FLT4: variants seen among roughly 807,000 people sequenced by gnomAD.
FLT4 encodes the protein vascular endothelial growth factor receptor 3.
FLT4 carries 30 observed loss-of-function variants against 163.2 expected under a neutral mutation model. That is an observed-to-expected ratio of 0.18 (90% CI 0.14 to 0.25). The LOEUF (loss-of-function observed/expected upper bound fraction) is 0.25. FLT4 is among the 10% of genes least tolerant of loss of function. The pLI is 1.00. For missense variants in FLT4, 1,510 were observed against 1,863.8 expected (o/e 0.81, Z 3.50); for synonymous variants, 884 against 789.5 (o/e 1.12, Z -2.01).
chr5:180,638,693 A>G (rs1247725595), intron 1 of FLT4, among the ~76,000 whole-genome samples: 1 of 152,032 alleles, frequency 6.6e-6, no homozygotes, highest in Admixed American at 6.6e-5. Context: ...TTGCCTCCAG[A>G]TTGTTCTGTG....
intron 24 of FLT4, chr5:180,613,645 G>A (rs1762388223): frequency 3.1e-6 from 1 of 320,062 alleles, no homozygotes; most frequent in Admixed American, 3.9e-5. Context: ...GCGTGGATCA[G>A]TTGCCACTTG....
Position 180,649,478 on chromosome 5 carries a change from C to T in FLT4, c.58+10G>A, listed in dbSNP as rs1413996825. On this transcript the variant is annotated intron_variant, in intron 1 of 29. Transcript: ENST00000261937. ...CACGCTCGGGCGGGTGGCCCGTTCG[C>T]CGCGCTCACCGTCCAGGAGTCCCAG... is the stretch of plus-strand genomic sequence containing the variant. 6.9e-7 allele frequency: 1 copy of T among 1,458,082 alleles called. No homozygotes were observed. Among genetic ancestry groups the T allele is most frequent in the Admixed American group, 2.4e-5 (1 of 42,408 alleles). 90.3% of individuals were successfully genotyped at this position (1,458,082 alleles called of 1,614,324 possible). A position where few individuals can be genotyped will look rare whatever the true frequency, so the allele number is the denominator to read the frequency against.
chr5:180,618,755 A>T lies in FLT4; in HGVS notation c.3001+15T>A, dbSNP rs2127806488. On this transcript the variant is annotated intron_variant, in intron 21 of 29. Coordinates refer to ENST00000261937, the MANE Select transcript of FLT4 (RefSeq NM_182925.5). ...CCGTCAGGCACTAGGAAAAGGGAAG[A>T]GGCCAGGCTCTCACCTTCTTGGTCT... 1 of 1,582,312 alleles carries T rather than the reference A, an allele frequency of 6.3e-7. No individual in the cohort carries two copies. The highest frequency in any genetic ancestry group is 8.6e-7 in the Non-Finnish European group (1 of 1,164,850).
chr5:180,627,106 C>T (rs1018103865), intron 8 of FLT4, among the ~76,000 whole-genome samples: 27 of 152,310 alleles, frequency 1.8e-4, no homozygotes, highest in African/African-American at 6.3e-4. Context: ...TGTGCTGGGG[C>T]CCCTGCAGGC....
chr5:180,622,781 A>C lies in FLT4; in HGVS notation c.1607T>G (p.Val536Gly). ...ANVSAMYKCVVSNKVGQDERL... is the reference protein window; with the variant it reads ...ANVSAMYKCVGSNKVGQDERL... ...CTCATCCTGGCCCACCTTGTTGGAG[A>C]CCACACACTTGTACATGGCAGACAC... Residue 536 changes from valine (V) to glycine (G), a missense_variant, in exon 12 of 30, where the codon GTC becomes GGC. This residue lies in a region of FLT4 where 878 missense variants were observed against 1,016.7 expected (regional missense o/e 0.86). Coordinates refer to ENST00000261937, the MANE Select transcript of FLT4 (RefSeq NM_182925.5). 1.9e-6 allele frequency: 3 copies of C among 1,613,412 alleles called. No homozygotes were observed. Among genetic ancestry groups the C allele is most frequent in the Non-Finnish European group, 2.5e-6 (3 of 1,179,878 alleles).
intron 1 of FLT4, among the ~76,000 whole-genome samples, chr5:180,642,957 C>A (rs1033535408): frequency 6.6e-6 from 1 of 152,190 alleles, no homozygotes; most frequent in Non-Finnish European, 1.5e-5. Flanking sequence ...CACACCCCTG[C>A]GGTTGCCTCC....
intron 1 of FLT4, among the ~76,000 whole-genome samples, 183 bp downstream of exon 1, chr5:180,649,305 C>A (rs911472912): frequency 6.6e-6 from 1 of 151,842 alleles, no homozygotes; most frequent in Non-Finnish European, 1.5e-5. Flanking sequence ...TCCCCGCCCG[C>A]CCCTTCCTCA....
intron 1 of FLT4, among the ~76,000 whole-genome samples, chr5:180,643,702 C>T (rs556819990): frequency 2.6e-5 from 4 of 152,230 alleles, no homozygotes; most frequent in Non-Finnish European, 4.4e-5. Context: ...CAGCCCCTCC[C>T]CACCTCTGAC....
chr5:180,625,643 T>C (rs574464649), intron 10 of FLT4, among the ~76,000 whole-genome samples: 2 of 152,340 alleles, frequency 1.3e-5, no homozygotes, highest in Admixed American at 6.5e-5. Flanking sequence ...GTGTCCAGCT[T>C]GGCCAGCTGA....
At chr5:180,622,881 T>C (rs2127820053) in intron 11 of FLT4, 42 bp from the exon 12 acceptor site, 1 of 1,373,894 alleles carries the variant, frequency 7.3e-7, no homozygotes, top group Admixed American at 1.7e-5. Flanking sequence ...CTGCCCAAGT[T>C]CTCCCAACCT....
intron 2 of FLT4, among the ~76,000 whole-genome samples, chr5:180,631,061 G>A (rs969815075): frequency 1.3e-5 from 2 of 152,106 alleles, no homozygotes; most frequent in Non-Finnish European, 2.9e-5. Context: ...CCCATCTCTG[G>A]GGCCCCAGTG....
chr5:180,642,145 T>G (rs553179409), intron 1 of FLT4, among the ~76,000 whole-genome samples: 6 of 150,972 alleles, frequency 4.0e-5, no homozygotes, highest in Non-Finnish European at 8.8e-5. Context: ...AGGCAGAGCT[T>G]GCAGTGGGCC....
chr5:180,620,988 G>A lies in FLT4; in HGVS notation c.2187C>T (p.Ser729=). Residue 729 remains serine, a synonymous_variant, in exon 15 of 30, where the codon TCC becomes TCT. Transcript: ENST00000261937. The surrounding 1 kb of genome is among the most constrained non-coding windows in gnomAD (Gnocchi z 4.4). The stretch of plus-strand genomic sequence containing the variant: ...CGCGCTGGATGCTCAGCTTCTGGTT[G>A]GAGTCCGCCAAGTCGACTCCTGCAG... ...EEKSGVDLAD[S]NQKLSIQRVR... 1 of 1,611,386 alleles carries A rather than the reference G, an allele frequency of 6.2e-7. No individual in the cohort carries two copies. The highest frequency in any genetic ancestry group is 8.5e-7 in the Non-Finnish European group (1 of 1,179,014).
intron 1 of FLT4, among the ~76,000 whole-genome samples, chr5:180,642,995 A>G (rs73812636): frequency 0.04 from 6,024 of 152,346 alleles, 172 homozygotes; most frequent in South Asian, 0.12. Flanking sequence ...ATAGAAAGCT[A>G]GCACACAGAG....
In FLT4 at chr5:180,630,660, G is replaced by T. The variant is rs1401667390; in HGVS notation, c.295C>A (p.His99Asn). ...CCTGTGTCGTTGGCATGTACCTCGT[G>T]CAGCAGCAACACCTTGCAGTAGGGC... ...ARPYCKVLLL[H>N]EVHANDTGSY... Residue 99 changes from histidine (H) to asparagine (N), a missense_variant, in exon 3 of 30, where the codon CAC becomes AAC. Transcript: ENST00000261937. This position sits in a 1 kb window ranked among gnomAD's most constrained non-coding sequence, Gnocchi z 6.3. 3 of 1,613,156 alleles carry T rather than the reference G, an allele frequency of 1.9e-6. No individual in the cohort carries two copies. Among genetic ancestry groups the T allele is most frequent in the Non-Finnish European group, 2.5e-6 (3 of 1,179,974 alleles).
chr5:180,616,849 T>A lies in FLT4; in HGVS notation c.3096+51A>T, dbSNP rs565370442. 7.8e-6 allele frequency: 11 copies of A among 1,403,850 alleles called. No individual in the cohort carries two copies. The Admixed American group carries it at 1.7e-4, about 21-fold the overall frequency. The allele number at this position is 1,403,850 out of a possible 1,614,324, so 87.0% of individuals were successfully genotyped here. A position where few individuals can be genotyped will look rare whatever the true frequency, so the allele number is the denominator to read the frequency against. ...CCAGTACCAAGCACTTCTTGGCGAC[T>A]GGTGGGGATGCACCCTTTTCCCGTC... On this transcript the variant is annotated intron_variant, in intron 22 of 29. Transcript: ENST00000261937.
intron 1 of FLT4, among the ~76,000 whole-genome samples, chr5:180,632,431 C>T (rs1429881733): frequency 1.3e-4 from 20 of 152,194 alleles, no homozygotes; most frequent in Admixed American, 1.2e-3. Flanking sequence ...CCCAGGCCTC[C>T]CTAGACACCC....
Position 180,620,608 on chromosome 5 carries a change from CCCT to C in FLT4, c.2404_2406del (p.Arg802del), listed in dbSNP as rs776555888. 3.7e-6 allele frequency: 6 copies of C among 1,602,454 alleles called. No individual in the cohort carries two copies. Among genetic ancestry groups the C allele is most frequent in the Admixed American group, 1.7e-5 (1 of 59,988 alleles). ...CATCAGGAGCGGGGAGGGACACTCA[CCCT>C]CCTCATGTTACAGAAGATGAGGAGG... is the stretch of plus-strand genomic sequence containing the variant. On this transcript the variant is annotated inframe_deletion and splice_region_variant, in exon 16 of 30. Coordinates refer to ENST00000261937, the MANE Select transcript of FLT4 (RefSeq NM_182925.5). The surrounding 1 kb of genome is among the most constrained non-coding windows in gnomAD (Gnocchi z 4.4).
intron 2 of FLT4, 109 bp downstream of exon 2, chr5:180,631,573 G>A: frequency 1.1e-6 from 1 of 895,268 alleles, no homozygotes. Flanking sequence ...AGGCCACTCT[G>A]CCCTGACTCT....
Sources: gnomAD v4.1 joint callset for allele counts (sites outside exome capture counted in the v4.1 genomes callset) on GRCh38, gnomAD v4.1.1 for gene constraint, gnomAD v4.1.1 regional missense constraint, Gnocchi (gnomAD v3.1) non-coding constraint, MANE v1.5 for transcripts, NCBI Gene and HGNC (gene_info 2026-07-23, HGNC 2026-07-21) for gene names.